Variants in SPOCK3 observed in about 807,000 individuals in gnomAD.
SPOCK3 encodes SPARC (osteonectin), cwcv and kazal like domains proteoglycan 3.
Under a neutral mutation model 56.6 loss-of-function variants are expected in SPOCK3, and 30 were observed. The observed-to-expected ratio is 0.53, with a 90% CI of 0.40 to 0.72. SPOCK3 has a LOEUF of 0.72. SPOCK3 is among the 30% of genes least tolerant of loss of function. The pLI is 0.00. For missense variants in SPOCK3, 527 were observed against 530.0 expected (o/e 0.99, Z 0.06); for synonymous variants, 196 against 183.3 (o/e 1.07, Z -0.56).
intron 2 of SPOCK3, among the ~76,000 whole-genome samples, chr4:167,139,745 A>C (rs1763383975): frequency 1.3e-5 from 2 of 152,020 alleles, no homozygotes. Flanking sequence ...AACCATTTCC[A>C]TTCAAGGTAA....
rs117846316 is a variant in SPOCK3, at chr4:166,872,714, A to G, written c.589+16416T>C. On this transcript the variant is annotated intron_variant, in intron 6 of 10. Transcript: ENST00000357545. ...AATATGAAAGGCTGCATAGTGTATG[A>G]TTCTAACTATATGAATGTCTTAGTT... Among the ~76,000 whole-genome samples the G allele has an allele frequency of 6.6e-5, 10 of 152,306 alleles. No individual in the cohort carries two copies. The East Asian group carries it at 1.9e-3, about 29-fold the overall frequency.
chr4:167,218,794 T>A (rs1735618981), intron 2 of SPOCK3, among the ~76,000 whole-genome samples: 1 of 152,098 alleles, frequency 6.6e-6, no homozygotes, highest in Admixed American at 6.6e-5. Context: ...ATAAACAATT[T>A]TAAATGACAA....
At chr4:167,052,251 A>G (rs1471135179) in intron 3 of SPOCK3, among the ~76,000 whole-genome samples, 1 of 152,224 alleles carries the variant, frequency 6.6e-6, no homozygotes, top group African/African-American at 2.4e-5. Context: ...TCTCATTTAG[A>G]AGCCCTATGT....
At chr4:166,767,485 G>A (rs1738256153) in intron 7 of SPOCK3, among the ~76,000 whole-genome samples, 1 of 152,152 alleles carries the variant, frequency 6.6e-6, no homozygotes, top group Admixed American at 6.5e-5. Flanking sequence ...CAGTTTCCAT[G>A]TAGTTGAGTG....
At chr4:167,056,863 C>A (rs1451076301) in intron 3 of SPOCK3, among the ~76,000 whole-genome samples, 1 of 152,152 alleles carries the variant, frequency 6.6e-6, no homozygotes, top group Non-Finnish European at 1.5e-5. Flanking sequence ...AAACACTCTG[C>A]AGGATATTAT....
chr4:166,984,589 T>C (rs1025090088), intron 4 of SPOCK3, among the ~76,000 whole-genome samples: 35 of 152,072 alleles, frequency 2.3e-4, no homozygotes, highest in African/African-American at 7.7e-4. Flanking sequence ...CAGGGTTAGA[T>C]TTCTCTATAT....
intron 6 of SPOCK3, among the ~76,000 whole-genome samples, chr4:166,809,987 C>A (rs1201902755): frequency 6.6e-6 from 1 of 152,070 alleles, no homozygotes; most frequent in Non-Finnish European, 1.5e-5. Flanking sequence ...TGAATAACAA[C>A]CACAAATTTA....
chr4:166,789,758 A>G (rs1204093760), intron 7 of SPOCK3, among the ~76,000 whole-genome samples: 1 of 152,220 alleles, frequency 6.6e-6, no homozygotes, highest in East Asian at 1.9e-4. Context: ...TCAGAATGGA[A>G]AAGTTAAAAT....
intron 6 of SPOCK3, among the ~76,000 whole-genome samples, chr4:166,884,504 T>G (rs576620804): frequency 1.3e-5 from 2 of 152,004 alleles, no homozygotes; most frequent in Non-Finnish European, 1.5e-5. Context: ...AAAAATTAAA[T>G]CTCTTCAATT....
chr4:167,093,430 T>C (rs1398444337), intron 2 of SPOCK3, among the ~76,000 whole-genome samples: 1 of 152,098 alleles, frequency 6.6e-6, no homozygotes, highest in Non-Finnish European at 1.5e-5. Context: ...CTCCTAATGC[T>C]CTCTCTCCCC....
chr4:167,175,114 T>A (rs574630594), intron 2 of SPOCK3, among the ~76,000 whole-genome samples: 1 of 152,214 alleles, frequency 6.6e-6, no homozygotes, highest in African/African-American at 2.4e-5. Context: ...GGGGACCTCA[T>A]GGGAAAACAT....
At chr4:166,997,766 G>A (rs977263518) in intron 4 of SPOCK3, among the ~76,000 whole-genome samples, 6 of 152,146 alleles carry the variant, frequency 3.9e-5, no homozygotes, top group African/African-American at 1.4e-4. Context: ...TATTGTATTG[G>A]GAAGAGGAGA....
In SPOCK3 at chr4:166,954,208, C is replaced by T. The variant is rs1223147253; in HGVS notation, c.351-41465G>A. On this transcript the variant is annotated intron_variant, in intron 4 of 10. Coordinates refer to ENST00000357545, the MANE Select transcript of SPOCK3 (RefSeq NM_001040159.2). ...AAATAACATTTTTGTATGTTAACCC[C>T]TTATCAGTTATATAGTTTGCAAATA... is the stretch of plus-strand genomic sequence containing the variant. Among the ~76,000 whole-genome samples, 4 of 152,196 alleles carry T rather than the reference C, an allele frequency of 2.6e-5. No homozygotes were observed. In the East Asian group the frequency reaches 5.8e-4, roughly 22 times the overall value.
At chr4:166,839,449 T>C (rs943965526) in intron 6 of SPOCK3, among the ~76,000 whole-genome samples, 2 of 152,018 alleles carry the variant, frequency 1.3e-5, no homozygotes, top group Non-Finnish European at 2.9e-5. Flanking sequence ...CCACTCTGTT[T>C]GGTAGTTAGA....
intron 4 of SPOCK3, among the ~76,000 whole-genome samples, chr4:166,952,780 C>A (rs1411806444): frequency 5.3e-5 from 8 of 152,118 alleles, no homozygotes; most frequent in Non-Finnish European, 1.0e-4. Context: ...AATGACGCCA[C>A]ATATCTACAA....
Position 166,735,101 on chromosome 4 carries a change from G to C in SPOCK3, c.1133-11C>G. ...TCTCAAAATCTATAGCTTAAAACAA[G>C]TGAAAGTAAACATAACCTTTATTTG... On this transcript the variant is annotated splice_polypyrimidine_tract_variant and intron_variant, in intron 10 of 10. Coordinates refer to ENST00000357545, the MANE Select transcript of SPOCK3 (RefSeq NM_001040159.2). 1 of 1,571,270 alleles carries C rather than the reference G, an allele frequency of 6.4e-7. No homozygotes were observed. The highest frequency in any genetic ancestry group is 2.3e-5 in the East Asian group (1 of 42,874).
At chr4:166,854,740 A>G (rs1730479494) in intron 6 of SPOCK3, among the ~76,000 whole-genome samples, 1 of 152,180 alleles carries the variant, frequency 6.6e-6, no homozygotes, top group African/African-American at 2.4e-5. Flanking sequence ...TTGGAATTCT[A>G]ATAGCCAAGA....
rs1730932669 is a variant in SPOCK3, at chr4:166,858,714, TAAG to T, written c.589+30413_589+30415del. Among the ~76,000 whole-genome samples, 5 of 152,180 alleles carry T rather than the reference TAAG, an allele frequency of 3.3e-5. No individual in the cohort carries two copies. In the South Asian group the frequency reaches 1.0e-3, roughly 32 times the overall value. ...AAAATAAAATAATTCAGAAAAATTA[TAAG>T]AAGACAGAGGAGGACTATCAGCTGA... On this transcript the variant is annotated intron_variant, in intron 6 of 10. Transcript: ENST00000357545.
At chr4:166,850,103 A>T (rs1443892617) in intron 6 of SPOCK3, among the ~76,000 whole-genome samples, 1 of 152,202 alleles carries the variant, frequency 6.6e-6, no homozygotes, top group Admixed American at 6.5e-5. Context: ...ATATCCCAGA[A>T]GTGGAATTGC....
Sources: allele counts gnomAD v4.1 joint callset (sites outside exome capture counted in the v4.1 genomes callset), GRCh38; gene constraint gnomAD v4.1.1; transcripts MANE v1.5; gene names NCBI Gene and HGNC (gene_info 2026-07-23, HGNC 2026-07-21).